Variants in GDF5 observed in about 807,000 individuals in gnomAD.
GDF5 encodes the protein growth differentiation factor 5.
In GDF5, 17 loss-of-function variants were observed where a neutral mutation model predicts 34.6. The observed-to-expected ratio is 0.49, with a 90% CI of 0.34 to 0.74. GDF5 has a LOEUF of 0.74. GDF5 is among the 30% of genes least tolerant of loss of function. The pLI is 0.01. For synonymous variants in GDF5, 332 were observed against 290.7 expected, an observed-to-expected ratio of 1.14 and a Z score of -1.44; for missense variants, 616 against 661.2, an observed-to-expected ratio of 0.93 and a Z score of 0.75.
intron 1 of GDF5, among the ~76,000 whole-genome samples, chr20:35,451,752 T>G (rs2062534590): frequency 6.6e-6 from 1 of 152,036 alleles, no homozygotes; most frequent in African/African-American, 2.4e-5. Flanking sequence ...CAGGCTGGTC[T>G]CCAACTCCTG....
At chr20:35,441,792 C>T (rs2062498797), upstream of GDF5, among the ~76,000 whole-genome samples, 1 of 151,984 alleles carries the variant, frequency 6.6e-6, no homozygotes, top group African/African-American at 2.4e-5. Context: ...TTCCAGTCAA[C>T]TAGACTCTGG....
In GDF5 at chr20:35,434,269, G is replaced by C. The variant is rs1568731508; in HGVS notation, c.1146C>G (p.Ala382=). ...GCTTGCCCTGGCGAGTGGCCAGTGG[G>C]GCCCGCCGTTTTCGCCGCTGGCTGA... ...YLFSQRRKRR[A]PLATRQGKRP... Residue 382 remains alanine, a synonymous_variant, in exon 2 of 2, where the codon GCC becomes GCG. Transcript: ENST00000374369. The C allele has an allele frequency of 1.2e-6, 2 of 1,613,916 alleles. No homozygotes were observed. The highest frequency in any genetic ancestry group is 2.7e-5 in the African/African-American group (2 of 74,942).
rs149633982 is a variant in GDF5 at position 35,434,267 on chromosome 20, G to A, written c.1148C>T (p.Pro383Leu). 13 of 1,613,864 alleles carry A rather than the reference G, an allele frequency of 8.1e-6. No individual in the cohort carries two copies. The highest frequency in any genetic ancestry group is 1.1e-5 in the Non-Finnish European group (13 of 1,180,044). Residue 383 changes from proline (P) to leucine (L), a missense_variant, in exon 2 of 2, where the codon CCA (proline) becomes CTA (leucine). By Grantham distance (98) the Pro-to-Leu change is moderately conservative. Coordinates refer to ENST00000374369, the MANE Select transcript of GDF5 (RefSeq NM_000557.5). ...TCGCTTGCCCTGGCGAGTGGCCAGT[G>A]GGGCCCGCCGTTTTCGCCGCTGGCT... ...LFSQRRKRRA[P>L]LATRQGKRPS... is the part of the protein sequence containing the mutation.
rs1427229342 is a variant in GDF5 at position 35,451,049 on chromosome 20, AAAAAAAAAAAAAAAAATATATAT to A, written c.-398+3568_-398+3590del. Among the ~76,000 whole-genome samples the A allele has an allele frequency of 7.2e-5, 6 of 83,532 alleles. 1 individual carries two copies. Among genetic ancestry groups the A allele is most frequent in the Non-Finnish European group, 9.5e-5 (3 of 31,686 alleles). 54.8% of individuals were successfully genotyped at this position (83,532 alleles called of 152,430 possible). ...ACAGATTTTAGACTAACAGAAAAAA[AAAAAAAAAAAAAAAAATATATAT>A]ATATATATATATATATATATACACA... On this transcript the variant is annotated intron_variant, in intron 1 of 3. Transcript: ENST00000374372.
upstream of GDF5, among the ~76,000 whole-genome samples, chr20:35,441,800 T>C (rs1377840391): frequency 1.3e-5 from 2 of 152,078 alleles, no homozygotes; most frequent in Non-Finnish European, 2.9e-5. Flanking sequence ...AACTAGACTC[T>C]GGGTTTTGTA....
In GDF5 at chr20:35,434,101, G is replaced by A; in HGVS notation, c.1314C>T (p.Arg438=). 1 of 1,614,162 alleles carries A rather than the reference G, an allele frequency of 6.2e-7. No homozygotes were observed. The change falls in exon 2 of 2, where the codon CGC becomes CGT. Residue 438 remains arginine (R), a synonymous_variant. Coordinates refer to ENST00000374369, the MANE Select transcript of GDF5 (RefSeq NM_000557.5). ...HCEGLCEFPL[R]SHLEPTNHAV... is the part of the protein sequence containing the mutation. ...CATGATTCGTGGGCTCCAGGTGGGA[G>A]CGCAATGGGAACTCGCACAGCCCCT... is the stretch of plus-strand genomic sequence containing the variant.
Position 35,437,874 on chromosome 20 carries a change from G to C in GDF5, c.55C>G (p.Leu19Val). 1 of 1,614,146 alleles carries C rather than the reference G, an allele frequency of 6.2e-7. No individual in the cohort carries two copies. Among genetic ancestry groups the C allele is most frequent in the Non-Finnish European group, 8.5e-7 (1 of 1,180,024 alleles). ...FLLWYLAWLD[L>V]EFICTVLGAP... ...CCCAACACAGTGCAGATGAATTCCA[G>C]GTCCAGCCAAGCCAGGTACCAAAGC... Residue 19 changes from leucine to valine, a missense_variant, in exon 1 of 2, where the codon CTG becomes GTG. Transcript: ENST00000374369.
intron 1 of GDF5, among the ~76,000 whole-genome samples, chr20:35,451,066 T>TATATATATATATATATATATAA (rs2062530746): frequency 1.0e-4 from 2 of 19,348 alleles, no homozygotes; most frequent in East Asian, 1.3e-3. Flanking sequence ...AAAAAAAAAA[T>TATATATATATATATATATATAA]ATATATATAT....
chr20:35,437,501 G>A lies in GDF5; in HGVS notation c.428C>T (p.Ser143Phe). The A allele has an allele frequency of 6.2e-7, 1 of 1,614,180 alleles. No homozygotes were observed. The highest frequency in any genetic ancestry group is 8.5e-7 in the Non-Finnish European group (1 of 1,180,020). ...APPKAGSVPSSFLLKKAREPG... is the reference protein window; with the variant it reads ...APPKAGSVPSFFLLKKAREPG... ...CTCCCTGGCCTTCTTCAGCAGGAAG[G>A]AGCTGGGGACAGATCCTGCTTTTGG... The change falls in exon 1 of 2, where the codon TCC (serine) becomes TTC (phenylalanine). Residue 143 changes from serine (S) to phenylalanine (F), a missense_variant. Ser to Phe is a radical substitution (Grantham distance 155). Transcript: ENST00000374369.
chr20:35,437,405 G>C lies in GDF5; in HGVS notation c.524C>G (p.Ser175Trp), dbSNP rs1215337521. Residue 175 changes from serine to tryptophan, a missense_variant, in exon 1 of 2, where the codon TCG becomes TGG. By Grantham distance (177) the Ser-to-Trp change is radical (BLOSUM62 -3). Transcript: ENST00000374369. ...PPITPHEYML[S>W]LYRTLSDADR... is the part of the protein sequence containing the mutation. ...AGCATCGGACAGCGTCCTGTACAGC[G>C]AGAGCATGTACTCGTGGGGTGTGAT... 1.2e-6 allele frequency: 2 copies of C among 1,613,092 alleles called. No individual in the cohort carries two copies. Among genetic ancestry groups the C allele is most frequent in the Non-Finnish European group, 1.7e-6 (2 of 1,179,082 alleles).
chr20:35,436,151 G>A (rs1316244397), intron 1 of GDF5, among the ~76,000 whole-genome samples: 1 of 152,146 alleles, frequency 6.6e-6, no homozygotes, highest in Non-Finnish European at 1.5e-5. Context: ...TATTGCTCTA[G>A]AAGGTGACTA....
At chr20:35,445,051 G>T (rs1806525330) in intron 1 of GDF5, among the ~76,000 whole-genome samples, 1 of 152,158 alleles carries the variant, frequency 6.6e-6, no homozygotes, top group Non-Finnish European at 1.5e-5. Context: ...TACTTTTAGT[G>T]CACTGGGAAC....
At chr20:35,439,691 T>C (rs894893824), upstream of GDF5, among the ~76,000 whole-genome samples, 6 of 152,112 alleles carry the variant, frequency 3.9e-5, no homozygotes, top group African/African-American at 7.2e-5. Context: ...CGGGGAAAGC[T>C]GTTCGCTTCA....
At chr20:35,450,938 C>G (rs2062529066) in intron 1 of GDF5, among the ~76,000 whole-genome samples, 1 of 151,278 alleles carries the variant, frequency 6.6e-6, no homozygotes, top group South Asian at 2.1e-4. Flanking sequence ...AATGGGGACT[C>G]ATAGCCAGAA....
At chr20:35,451,080 T>TATATATATATATATATATAA (rs2062531592) in intron 1 of GDF5, among the ~76,000 whole-genome samples, 3 of 30,304 alleles carry the variant, frequency 9.9e-5, no homozygotes, top group Non-Finnish European at 1.9e-4. Context: ...TATATATATA[T>TATATATATATATATATATAA]ATATATATAT....
intron 1 of GDF5, among the ~76,000 whole-genome samples, chr20:35,445,224 C>T (rs901557693): frequency 6.6e-5 from 10 of 152,138 alleles, no homozygotes; most frequent in African/African-American, 2.4e-4. Context: ...GGAATAATAA[C>T]GATATACCTA....
chr20:35,448,448 CT>C (rs34209210), intron 1 of GDF5, among the ~76,000 whole-genome samples: 11 of 86,756 alleles, frequency 1.3e-4, no homozygotes, highest in African/African-American at 4.6e-4. Flanking sequence ...GCCCCCCCGA[CT>C]TTTTTTTTTT....
At position 35,437,980 on chromosome 20, in the gene GDF5, G is replaced by A. The variant is rs1303060679; in HGVS notation, c.-52C>T. ...AAAGAGAACAGCGGCAGCAGCGAAG[G>A]TGCCTCTGGTTTGGCAGGAAAAACC... On this transcript the variant is annotated 5_prime_UTR_variant, in exon 1 of 2. Transcript: ENST00000374369. 4 of 1,605,834 alleles carry A rather than the reference G, an allele frequency of 2.5e-6. No individual in the cohort carries two copies. The highest frequency in any genetic ancestry group is 1.3e-5 in the African/African-American group (1 of 74,872).
At chr20:35,441,872 T>G (rs1601078183), upstream of GDF5, among the ~76,000 whole-genome samples, 1 of 152,100 alleles carries the variant, frequency 6.6e-6, no homozygotes, top group Non-Finnish European at 1.5e-5. Flanking sequence ...TGGTTTTCAT[T>G]GTTGTTTTTT....
Sources: allele counts gnomAD v4.1 joint callset (sites outside exome capture counted in the v4.1 genomes callset), GRCh38; gene constraint gnomAD v4.1.1; transcripts MANE v1.5; gene names NCBI Gene and HGNC (gene_info 2026-07-23, HGNC 2026-07-21).